MYT1L: variants seen among roughly 807,000 people sequenced by gnomAD.
The protein encoded by MYT1L is myelin transcription factor 1 like, also known as myelin transcription factor 1-like protein.
A neutral mutation model predicts 126.7 loss-of-function variants in MYT1L; 12 were observed. The ratio of observed to expected loss-of-function variants is 0.09; its 90% CI spans 0.06 to 0.15. The LOEUF is 0.15. MYT1L is among the 10% of genes least tolerant of loss of function. The probability of loss-of-function intolerance (pLI) is 1.00; values close to 1 mark genes in which losing one functional copy is unlikely to be tolerated. For missense variants in MYT1L, 979 were observed against 1,585.2 expected (o/e 0.62, Z 6.49); for synonymous variants, 541 against 604.2 (o/e 0.90, Z 1.53).
At chr2:2,040,354 A>G (rs1022023388) in intron 4 of MYT1L, among the ~76,000 whole-genome samples, 2 of 152,220 alleles carry the variant, frequency 1.3e-5, no homozygotes, top group African/African-American at 4.8e-5. Flanking sequence ...TACAGGATGG[A>G]AAGTTTGGAA....
intron 8 of MYT1L, among the ~76,000 whole-genome samples, chr2:1,971,548 T>C (rs983184374): frequency 2.0e-5 from 3 of 152,134 alleles, no homozygotes; most frequent in Admixed American, 6.5e-5. Flanking sequence ...CTGGCCAACA[T>C]GGTGAAACCC....
At chr2:2,095,197 T>C (rs1021674928) in intron 3 of MYT1L, among the ~76,000 whole-genome samples, 1 of 152,120 alleles carries the variant, frequency 6.6e-6, no homozygotes, top group African/African-American at 2.4e-5. Context: ...CAGGGCTGAG[T>C]TTCCCGTTAG....
intron 4 of MYT1L, among the ~76,000 whole-genome samples, chr2:2,017,706 A>G (rs2064571124): frequency 6.6e-6 from 1 of 151,944 alleles, no homozygotes; most frequent in Non-Finnish European, 1.5e-5. Context: ...CTATCTATCT[A>G]TCTATCTAAC....
intron 23 of MYT1L, 67 bp from the exon 24 acceptor site, chr2:1,792,531 G>A: frequency 6.5e-7 from 1 of 1,530,478 alleles, no homozygotes; most frequent in Non-Finnish European, 8.9e-7. Flanking sequence ...TCGTTGCCGG[G>A]GGCCACAGTC....
At chr2:1,960,374 C>T (rs2058863581) in intron 8 of MYT1L, among the ~76,000 whole-genome samples, 1 of 152,200 alleles carries the variant, frequency 6.6e-6, no homozygotes, top group African/African-American at 2.4e-5. Flanking sequence ...AGCCCCTTGT[C>T]CCAGGCCCTA....
intron 2 of MYT1L, among the ~76,000 whole-genome samples, chr2:2,255,417 A>G (rs758242296): frequency 3.3e-5 from 5 of 152,158 alleles, no homozygotes; most frequent in Non-Finnish European, 5.9e-5. Flanking sequence ...CTTTTGCCCC[A>G]GAAAAGGGTA....
intron 3 of MYT1L, among the ~76,000 whole-genome samples, chr2:2,145,344 G>A (rs1487770884): frequency 2.6e-5 from 4 of 152,204 alleles, no homozygotes; most frequent in East Asian, 1.9e-4. Flanking sequence ...CTTCTCCAGC[G>A]CTTCCTGAAC....
At chr2:1,956,438 CTACCTATCATCT>C (rs1481870672) in intron 8 of MYT1L, among the ~76,000 whole-genome samples, 1 of 80,450 alleles carries the variant, frequency 1.2e-5, no homozygotes, top group Non-Finnish European at 2.4e-5. Context: ...ATCTATCTAT[CTACCTATCATCT>C]ATCTATCCTA....
At chr2:2,122,872 T>TGA (rs57060194) in intron 3 of MYT1L, among the ~76,000 whole-genome samples, 1,786 of 133,004 alleles carry the variant, frequency 0.013, 15 homozygotes, top group Non-Finnish European at 0.017. Context: ...TGTGTGTGTG[T>TGA]GAGAGAGAGA....
chr2:2,222,381 A>G (rs1423638788), intron 2 of MYT1L, among the ~76,000 whole-genome samples: 1 of 142,850 alleles, frequency 7.0e-6, no homozygotes, highest in Non-Finnish European at 1.5e-5. Context: ...GATCCCAGCT[A>G]CTTGGGAGGC....
chr2:1,859,921 T>C (rs1406822296), intron 18 of MYT1L, among the ~76,000 whole-genome samples: 1 of 152,238 alleles, frequency 6.6e-6, no homozygotes, highest in Admixed American at 6.5e-5. Context: ...GGGCTTGTTT[T>C]CTGGGGATTC....
chr2:2,321,161 C>T (rs2096157778), intron 1 of MYT1L, among the ~76,000 whole-genome samples: 1 of 152,202 alleles, frequency 6.6e-6, no homozygotes. Flanking sequence ...TTTGCCTGTG[C>T]CTGGCCCTCA....
intron 2 of MYT1L, among the ~76,000 whole-genome samples, chr2:2,261,745 G>A (rs1436710112): frequency 6.6e-6 from 1 of 152,210 alleles, no homozygotes; most frequent in Non-Finnish European, 1.5e-5. Context: ...GTGGCCTAAT[G>A]ATGATGTGCT....
intron 2 of MYT1L, among the ~76,000 whole-genome samples, chr2:2,205,710 C>T (rs2093287106): frequency 1.3e-5 from 2 of 152,144 alleles, no homozygotes; most frequent in South Asian, 2.1e-4. Context: ...CTCCTCAATG[C>T]TACCAGGGTT....
chr2:2,077,251 A>C (rs1375796302), intron 3 of MYT1L, among the ~76,000 whole-genome samples: 1 of 152,154 alleles, frequency 6.6e-6, no homozygotes, highest in Non-Finnish European at 1.5e-5. Flanking sequence ...GATTCAGAAG[A>C]AGAGAAGAAA....
intron 9 of MYT1L, among the ~76,000 whole-genome samples, chr2:1,937,535 C>A (rs537148346): frequency 6.7e-6 from 1 of 149,952 alleles, no homozygotes; most frequent in Non-Finnish European, 1.5e-5. Flanking sequence ...CCCTAATGTC[C>A]GCAGCCATCA....
intron 19 of MYT1L, among the ~76,000 whole-genome samples, chr2:1,846,680 C>G (rs575495042): frequency 6.6e-6 from 1 of 152,174 alleles, no homozygotes; most frequent in East Asian, 1.9e-4. Flanking sequence ...GTGTCCGGCC[C>G]GGAGCCCAGG....
intron 4 of MYT1L, among the ~76,000 whole-genome samples, chr2:2,048,670 C>G (rs1352988837): frequency 6.6e-6 from 1 of 152,190 alleles, no homozygotes; most frequent in Non-Finnish European, 1.5e-5. Flanking sequence ...TGTCTAAATC[C>G]CTTGACAATA....
At chr2:2,031,318 A>G (rs1574664450) in intron 4 of MYT1L, among the ~76,000 whole-genome samples, 5 of 152,346 alleles carry the variant, frequency 3.3e-5, no homozygotes, top group Admixed American at 2.6e-4. Context: ...AACTGGAGAG[A>G]TGAAGTGGGT....
Sources: allele counts gnomAD v4.1 joint callset (sites outside exome capture counted in the v4.1 genomes callset), GRCh38; gene constraint gnomAD v4.1.1; transcripts MANE v1.5; gene names NCBI Gene and HGNC (gene_info 2026-07-23, HGNC 2026-07-21).